DTNA: variants seen among roughly 807,000 people sequenced by gnomAD.
DTNA encodes the protein dystrobrevin alpha.
A neutral mutation model predicts 100.7 loss-of-function variants in DTNA; 43 were observed. That is an observed-to-expected ratio of 0.43 (90% CI 0.33 to 0.55). The LOEUF is 0.55. Ranked by LOEUF, DTNA falls within the 20% of genes least tolerant of loss-of-function variation. The pLI is 0.04. For missense variants in DTNA, 798 were observed against 953.9 expected, an observed-to-expected ratio of 0.84 and a Z score of 2.15; for synonymous variants, 349 against 347.9, an observed-to-expected ratio of 1.00 and a Z score of -0.04.
At chr18:34,537,642 A>C (rs2043846691) in intron 1 of DTNA, among the ~76,000 whole-genome samples, 1 of 151,984 alleles carries the variant, frequency 6.6e-6, no homozygotes, top group South Asian at 2.1e-4. Context: ...AATGCAGCAA[A>C]ATATGAAGGA....
intron 1 of DTNA, among the ~76,000 whole-genome samples, chr18:34,699,547 C>G (rs1244444479): frequency 1.3e-5 from 2 of 152,148 alleles, no homozygotes; most frequent in African/African-American, 2.4e-5. Flanking sequence ...CACCTGGTGA[C>G]CCAGTCAGGT....
chr18:34,740,124 G>A (rs562751750), intron 1 of DTNA, among the ~76,000 whole-genome samples: 1 of 152,108 alleles, frequency 6.6e-6, no homozygotes. Flanking sequence ...AATCCCTTTC[G>A]CCACCTTTTG....
chr18:34,884,586 G>A (rs2096904871), intron 21 of DTNA, 142 bp from the exon 22 acceptor site: 1 of 926,464 alleles, frequency 1.1e-6, no homozygotes, highest in East Asian at 2.4e-5. Context: ...TTGTTGGATG[G>A]ATTGGAACGC....
chr18:34,520,632 C>A (rs2042064981), intron 1 of DTNA, among the ~76,000 whole-genome samples: 1 of 151,872 alleles, frequency 6.6e-6, no homozygotes, highest in Non-Finnish European at 1.5e-5. Flanking sequence ...CCAGCCTGGG[C>A]AACAAGAGCA....
intron 1 of DTNA, among the ~76,000 whole-genome samples, chr18:34,694,806 A>AT (rs2080280746): frequency 6.6e-6 from 1 of 152,144 alleles, no homozygotes; most frequent in Non-Finnish European, 1.5e-5. Flanking sequence ...CACAAAGCAT[A>AT]TATTTGGCAG....
intron 1 of DTNA, among the ~76,000 whole-genome samples, chr18:34,528,968 G>A (rs9960701): frequency 0.015 from 2,331 of 152,080 alleles, 65 homozygotes; most frequent in African/African-American, 0.054. Context: ...TATAAGTATG[G>A]GTGACAGTGC....
intron 3 of DTNA, among the ~76,000 whole-genome samples, chr18:34,768,626 A>G (rs1224920061): frequency 1.3e-5 from 2 of 152,154 alleles, no homozygotes; most frequent in Non-Finnish European, 2.9e-5. Context: ...TTCTTGAAAA[A>G]CAGTAGAGAA....
chr18:34,538,149 A>G (rs540007853), intron 1 of DTNA, among the ~76,000 whole-genome samples: 1 of 152,214 alleles, frequency 6.6e-6, no homozygotes, highest in Admixed American at 6.6e-5. Context: ...AAACAAAGGA[A>G]TAGACAAAGT....
chr18:34,642,514 TTTCC>T (rs959704357), intron 1 of DTNA, among the ~76,000 whole-genome samples: 4 of 151,904 alleles, frequency 2.6e-5, no homozygotes, highest in South Asian at 4.2e-4. Context: ...CCTTTCTTTC[TTTCC>T]TTCTTTCCTT....
intron 3 of DTNA, among the ~76,000 whole-genome samples, chr18:34,768,257 A>G (rs2093591028): frequency 6.6e-6 from 1 of 152,102 alleles, no homozygotes; most frequent in South Asian, 2.1e-4. Context: ...TCCTTTCAGG[A>G]GAGCTAGAGA....
intron 21 of DTNA, 126 bp from the exon 22 acceptor site, chr18:34,884,602 T>A: frequency 9.4e-7 from 1 of 1,063,768 alleles, no homozygotes; most frequent in Non-Finnish European, 1.5e-6. Context: ...AACGCTACTC[T>A]CACTCAATAG....
intron 8 of DTNA, among the ~76,000 whole-genome samples, chr18:34,819,440 T>C (rs1260606640): frequency 6.6e-6 from 1 of 152,222 alleles, no homozygotes; most frequent in Admixed American, 6.5e-5. Context: ...TGAGGACAGA[T>C]AGATACATTA....
intron 1 of DTNA, among the ~76,000 whole-genome samples, chr18:34,553,808 T>A (rs1420199019): frequency 1.3e-5 from 2 of 152,180 alleles, no homozygotes; most frequent in African/African-American, 2.4e-5. Flanking sequence ...AGTCAGATAG[T>A]GTGATGCCTC....
At chr18:34,714,821 T>A (rs1250732545) in intron 1 of DTNA, among the ~76,000 whole-genome samples, 1 of 152,038 alleles carries the variant, frequency 6.6e-6, no homozygotes, top group African/African-American at 2.4e-5. Context: ...CGTCCAACAA[T>A]GATAGACTGG....
At chr18:34,791,284 AG>A (rs1404200958) in intron 3 of DTNA, among the ~76,000 whole-genome samples, 1 of 152,148 alleles carries the variant, frequency 6.6e-6, no homozygotes, top group East Asian at 1.9e-4. Context: ...TCAAGTTCCC[AG>A]TCCATGCTCC....
At position 34,710,675 on chromosome 18, in the gene DTNA, A is replaced by AGTGTGT. The variant is rs113472325; in HGVS notation, c.-2+251_-2+256dup. Among the ~76,000 whole-genome samples the AGTGTGT allele has an allele frequency of 1.4e-3, 200 of 147,942 alleles. 3 individuals carry two copies. The highest frequency in any genetic ancestry group is 0.011 in the South Asian group (51 of 4,612). ...TTTTATGGCAGTGTGTGTGTGTGGG[A>AGTGTGT]GTGTGTGTGTGTGTGTGTGTGTGTG... is the stretch of plus-strand genomic sequence containing the variant. On this transcript the variant is annotated intron_variant, in intron 1 of 22. Transcript: ENST00000444659.
chr18:34,612,820 G>A (rs561832296), intron 1 of DTNA, among the ~76,000 whole-genome samples: 1 of 152,224 alleles, frequency 6.6e-6, no homozygotes, highest in Admixed American at 6.5e-5. Flanking sequence ...TCTAAATGAA[G>A]ATACTATACT....
At chr18:34,681,731 C>CACACACACACACACACA (rs1491407771) in intron 1 of DTNA, among the ~76,000 whole-genome samples, 20 of 148,062 alleles carry the variant, frequency 1.4e-4, no homozygotes, top group African/African-American at 5.1e-4. Context: ...CACACACACA[C>CACACACACACACACACA]CCCACACACA....
intron 1 of DTNA, among the ~76,000 whole-genome samples, chr18:34,629,031 G>T (rs1310073046): frequency 6.6e-6 from 1 of 152,052 alleles, no homozygotes; most frequent in African/African-American, 2.4e-5. Context: ...ATAATTTCAT[G>T]AGTTTAATAA....
Sources: allele counts gnomAD v4.1 joint callset (sites outside exome capture counted in the v4.1 genomes callset), GRCh38; gene constraint gnomAD v4.1.1; transcripts MANE v1.5; gene names NCBI Gene and HGNC (gene_info 2026-07-23, HGNC 2026-07-21).